Variants in BCO2 observed in about 807,000 individuals in gnomAD.
BCO2 encodes the protein beta-carotene oxygenase 2.
Under a neutral mutation model 65.8 loss-of-function variants are expected in BCO2, and 56 were observed. The ratio of observed to expected loss-of-function variants is 0.85; its 90% CI spans 0.69 to 1.06. The LOEUF (loss-of-function observed/expected upper bound fraction) is 1.06, where lower values mean the gene tolerates loss of function less well. BCO2 is among the 50% of genes least tolerant of loss of function. BCO2 has a pLI of 0.00. For synonymous variants in BCO2, 233 were observed against 242.3 expected, an observed-to-expected ratio of 0.96 and a Z score of 0.36; for missense variants, 675 against 698.5, an observed-to-expected ratio of 0.97 and a Z score of 0.38.
chr11:112,188,721 G>C (rs1231589683), intron 2 of BCO2, among the ~76,000 whole-genome samples: 2 of 148,920 alleles, frequency 1.3e-5, no homozygotes, highest in Non-Finnish European at 3.0e-5. Context: ...GATTCCCCCA[G>C]CTTTCCATCC....
rs991779626 is a variant in BCO2, at chr11:112,202,159, A to G, written c.1163A>G (p.Asn388Ser). 12 of 1,613,552 alleles carry G rather than the reference A, an allele frequency of 7.4e-6. No homozygotes were observed. The highest frequency in any genetic ancestry group is 1.0e-5 in the Non-Finnish European group (12 of 1,179,800). Residue 388 changes from asparagine to serine, a missense_variant, in exon 8 of 12, where the codon AAT becomes AGT. Physicochemically the swap from Asn to Ser is conservative, Grantham distance 46. Transcript: ENST00000357685. ...ACCCTAGAAGTTTACCAGTTACAGA[A>G]TCTCAGGAAGGCTGGGGAAGGGCTT... Reference protein sequence around the residue: ...GRTLEVYQLQNLRKAGEGLDQ... With the variant: ...GRTLEVYQLQSLRKAGEGLDQ...
At chr11:112,208,984 C>A (rs1196671085) in intron 8 of BCO2, 1 of 153,220 alleles carries the variant, frequency 6.5e-6, no homozygotes, top group Non-Finnish European at 1.5e-5. Context: ...TTTTTTAGAG[C>A]AATTTTACTT....
intron 6 of BCO2, 49 bp from the exon 7 acceptor site, chr11:112,200,563 CA>C: frequency 6.5e-7 from 1 of 1,528,624 alleles, no homozygotes; most frequent in South Asian, 1.2e-5. Context: ...ACATTTCAGA[CA>C]ACTCTAGTTT....
At position 112,194,675 on chromosome 11, in the gene BCO2, C is replaced by T; in HGVS notation, c.656C>T (p.Ala219Val). ...TEKVDWSKFI[A>V]VNGATAHPHY... ...CAGGTAGATTGGAGCAAATTTATTG[C>T]TGTGAATGGAGCAACTGCACATCCT... Residue 219 changes from alanine (A) to valine (V), a missense_variant, in exon 5 of 12, where the codon GCT (alanine) becomes GTT (valine). Physicochemically the swap from Ala to Val is moderately conservative, Grantham distance 64. Coordinates refer to ENST00000357685, the MANE Select transcript of BCO2 (RefSeq NM_031938.7). 1 of 1,612,896 alleles carries T rather than the reference C, an allele frequency of 6.2e-7. No homozygotes were observed. Among genetic ancestry groups the T allele is most frequent in the Non-Finnish European group, 8.5e-7 (1 of 1,179,244 alleles).
intron 8 of BCO2, among the ~76,000 whole-genome samples, chr11:112,210,118 T>C (rs1859466270): frequency 6.6e-6 from 1 of 152,236 alleles, no homozygotes; most frequent in African/African-American, 2.4e-5. Flanking sequence ...TCTACAGTTC[T>C]AGAATATTGA....
Position 112,175,648 on chromosome 11 carries a change from C to T in BCO2, c.47C>T (p.Thr16Ile), listed in dbSNP as rs145373157. Residue 16 changes from threonine (T) to isoleucine (I), a missense_variant, in exon 1 of 12, where the codon ACT becomes ATT. Transcript: ENST00000357685. ...FLHFIRSHSA[T>I]AVDFLPVMVH... ...CATTTTATCAGGAGTCATTCTGCCA[C>T]TGCAGTGGATTTCCTTCCTGTGATG... The T allele has an allele frequency of 1.6e-5, 26 of 1,614,024 alleles. No homozygotes were observed. Among genetic ancestry groups the T allele is most frequent in the African/African-American group, 4.0e-5 (3 of 74,928 alleles).
chr11:112,200,509 ATCAGTAACGTGTCCAGGCAT>A, intron 6 of BCO2, 84 bp from the exon 7 acceptor site: 5 of 970,432 alleles, frequency 5.2e-6, no homozygotes, highest in Non-Finnish European at 7.7e-6. Flanking sequence ...TGTTTAGGGC[ATCAGTAACGTGTCCAGGCAT>A]TCAGACAAGT....
intron 8 of BCO2, 100 bp downstream of exon 8, chr11:112,202,290 T>G: frequency 8.7e-7 from 1 of 1,145,994 alleles, no homozygotes; most frequent in Non-Finnish European, 1.2e-6. Context: ...TCTCTCTCTC[T>G]TTTTTCTTTT....
intron 2 of BCO2, 66 bp from the exon 3 acceptor site, chr11:112,193,408 C>T: frequency 7.4e-7 from 1 of 1,356,166 alleles, no homozygotes; most frequent in South Asian, 1.2e-5. Context: ...GAAGATCTAT[C>T]ACTCTGTCCC....
At chr11:112,192,297 T>A (rs1407172221) in intron 2 of BCO2, among the ~76,000 whole-genome samples, 1 of 152,192 alleles carries the variant, frequency 6.6e-6, no homozygotes, top group Non-Finnish European at 1.5e-5. Context: ...TATTCCAGTA[T>A]ATGTTTGGGG....
intron 8 of BCO2, among the ~76,000 whole-genome samples, chr11:112,205,937 AT>A (rs1281158399): frequency 6.6e-6 from 1 of 151,964 alleles, no homozygotes; most frequent in African/African-American, 2.4e-5. Flanking sequence ...TCCATTGCCC[AT>A]TTTTTATTTA....
chr11:112,188,134 A>G (rs199524627), intron 2 of BCO2, among the ~76,000 whole-genome samples: 1 of 152,156 alleles, frequency 6.6e-6, no homozygotes, highest in East Asian at 1.9e-4. Context: ...CTGGTGTTCT[A>G]CAAATAGTTC....
intron 6 of BCO2, chr11:112,200,352 AAAAAG>A (rs1867693852): frequency 3.3e-6 from 1 of 304,266 alleles, no homozygotes; most frequent in South Asian, 8.1e-5. Context: ...CAAATAATTT[AAAAAG>A]AAAAGAAAAG....
Position 112,217,856 on chromosome 11 carries a change from T to C in BCO2, c.1722T>C (p.Gly574=). 1 of 1,611,822 alleles carries C rather than the reference T, an allele frequency of 6.2e-7. No homozygotes were observed. Among genetic ancestry groups the C allele is most frequent in the Non-Finnish European group, 8.5e-7 (1 of 1,178,504 alleles). Residue 574 remains glycine (G), a synonymous_variant, in exon 12 of 12, where the codon GGT becomes GGC. Coordinates refer to ENST00000357685, the MANE Select transcript of BCO2 (RefSeq NM_031938.7). ...VPVQMPYGFH[G]TFIPI ...TGCAGATGCCTTATGGGTTCCATGG[T>C]ACCTTCATACCCATCTGATGGGACA...
chr11:112,185,394 G>A (rs1867170094), intron 2 of BCO2, among the ~76,000 whole-genome samples: 1 of 152,170 alleles, frequency 6.6e-6, no homozygotes, highest in Admixed American at 6.5e-5. Flanking sequence ...GTGAAGCTAT[G>A]TGACAAAACC....
chr11:112,181,793 C>G lies in BCO2; in HGVS notation c.293+2311C>G, dbSNP rs1413721816. ...CTTGTTTGGACCTTCGATACATTCA[C>G]TTCAAAATGGCCAGTTTAAGCTGCT... On this transcript the variant is annotated intron_variant, in intron 2 of 11. Transcript: ENST00000357685. The G allele has an allele frequency of 3.6e-6, 3 of 843,202 alleles. No individual in the cohort carries two copies. In the African/African-American group the frequency reaches 5.0e-5, roughly 14 times the overall value. 52.2% of individuals were successfully genotyped at this position (843,202 alleles called of 1,614,324 possible). A position where few individuals can be genotyped will look rare whatever the true frequency, so the allele number is the denominator to read the frequency against.
chr11:112,179,486 A>C lies in BCO2; in HGVS notation c.293+4A>C, dbSNP rs1195317747. On this transcript the variant is annotated splice_donor_region_variant and intron_variant, in intron 2 of 11. Coordinates refer to ENST00000357685, the MANE Select transcript of BCO2 (RefSeq NM_031938.7). The stretch of plus-strand genomic sequence containing the variant: ...AATTCGAGTTTGGGAAGGATAAGTA[A>C]GCCTTGATTTTGGAGAACAACTTGG... 6.2e-7 allele frequency: 1 copy of C among 1,613,224 alleles called. No homozygotes were observed. The highest frequency in any genetic ancestry group is 1.3e-5 in the African/African-American group (1 of 75,008).
At chr11:112,201,483 T>G (rs1261795156) in intron 7 of BCO2, among the ~76,000 whole-genome samples, 4 of 152,186 alleles carry the variant, frequency 2.6e-5, no homozygotes, top group Non-Finnish European at 5.9e-5. Flanking sequence ...ACTATGACAA[T>G]CCTACTAAAG....
In BCO2 at chr11:112,213,763, G is replaced by T. The variant is rs553742833; in HGVS notation, c.1234G>T (p.Val412Phe). Residue 412 changes from valine (V) to phenylalanine (F), a missense_variant, in exon 9 of 12, where the codon GTT becomes TTT. Physicochemically the swap from Val to Phe is conservative, Grantham distance 50. Coordinates refer to ENST00000357685, the MANE Select transcript of BCO2 (RefSeq NM_031938.7). The part of the protein sequence containing the change: ...SAAKSFPRRF[V>F]LPLNVSLNAP... ...AGCCAAATCTTTCCCTCGAAGGTTT[G>T]TTTTGCCTTTAAATGTCAGTTTGAA... The T allele has an allele frequency of 4.3e-6, 7 of 1,613,470 alleles. No individual in the cohort carries two copies. The South Asian group carries it at 5.5e-5, about 13-fold the overall frequency.
Sources: allele counts gnomAD v4.1 joint callset (sites outside exome capture counted in the v4.1 genomes callset), GRCh38; gene constraint gnomAD v4.1.1; transcripts MANE v1.5; gene names NCBI Gene and HGNC (gene_info 2026-07-23, HGNC 2026-07-21).